Variants in SMOX observed in about 807,000 individuals in gnomAD.
The protein encoded by SMOX is flavin containing amine oxidase.
SMOX carries 22 observed loss-of-function variants against 51.0 expected under a neutral mutation model. The observed-to-expected ratio is 0.43, with a 90% CI of 0.31 to 0.62. The LOEUF (loss-of-function observed/expected upper bound fraction) is 0.62. Among genes scored for constraint, SMOX ranks in the 20% least tolerant of loss-of-function variants. The probability of loss-of-function intolerance (pLI) is 0.10; values close to 1 mark genes in which losing one functional copy is unlikely to be tolerated. For synonymous variants in SMOX, 282 were observed against 307.8 expected (o/e 0.92, Z 0.88); for missense variants, 566 against 777.7 (o/e 0.73, Z 3.24).
At chr20:4,154,973 A>G (rs1403403125) in intron 1 of SMOX, among the ~76,000 whole-genome samples, 2 of 152,068 alleles carry the variant, frequency 1.3e-5, no homozygotes, top group Non-Finnish European at 2.9e-5. Context: ...CTTGGGTCAT[A>G]GACCAGGAAC....
At position 4,166,822 on chromosome 20, in the gene SMOX, G is replaced by C. The variant is rs1462000908; in HGVS notation, c.-26-8208G>C. Among the ~76,000 whole-genome samples the C allele has an allele frequency of 1.3e-5, 2 of 152,188 alleles. No homozygotes were observed. Among genetic ancestry groups the C allele is most frequent in the Non-Finnish European group, 2.9e-5 (2 of 68,032 alleles). On this transcript the variant is annotated intron_variant, in intron 1 of 6. Coordinates refer to ENST00000305958, the MANE Select transcript of SMOX (RefSeq NM_175839.3). The surrounding 1 kb of genome is among the most constrained non-coding windows in gnomAD (Gnocchi z 4.2). ...CTGCTTCTCCTTGCAACACATGCCT[G>C]CCAAGGCCCCCTGGCTCCCTTCTTC...
rs1985875291 is a variant in SMOX, at chr20:4,153,795, C to A, written c.-27+4818C>A. On this transcript the variant is annotated intron_variant, in intron 1 of 6. Transcript: ENST00000305958. The surrounding 1 kb of genome is among the most constrained non-coding windows in gnomAD (Gnocchi z 4.4). ...GCATGGGGGAGGCCTGTCCACGGTG[C>A]CCAAGTCCTTGTCTGCTGAGTCGAA... is the stretch of plus-strand genomic sequence containing the variant. 6.6e-6 allele frequency among the ~76,000 whole-genome samples: 1 copy of A among 152,156 alleles called. No homozygotes were observed. Among genetic ancestry groups the A allele is most frequent in the Non-Finnish European group, 1.5e-5 (1 of 68,022 alleles).
At chr20:4,155,928 G>T (rs1016316273) in intron 1 of SMOX, among the ~76,000 whole-genome samples, 11 of 152,254 alleles carry the variant, frequency 7.2e-5, no homozygotes, top group Middle Eastern at 3.4e-3. Flanking sequence ...GAGCTCCCCA[G>T]ATATCCCACA....
rs773144230 is a variant in SMOX at position 4,187,600 on chromosome 20, C to T, written c.*193C>T. 1.7e-5 allele frequency: 12 copies of T among 717,944 alleles called. No homozygotes were observed. Among genetic ancestry groups the T allele is most frequent in the Admixed American group, 1.2e-4 (4 of 32,608 alleles). 44.5% of individuals were successfully genotyped at this position (717,944 alleles called of 1,614,324 possible). A position where few individuals can be genotyped will look rare whatever the true frequency, so the allele number is the denominator to read the frequency against. On this transcript the variant is annotated 3_prime_UTR_variant, in exon 7 of 7. Transcript: ENST00000305958. The surrounding 1 kb of genome is among the most constrained non-coding windows in gnomAD (Gnocchi z 4.8). ...CAGGCTGGGCCGTGAGCAGGTGGGCCGTTGAGTTACCTCTGTGCTGGATCC... is the reference window on the plus strand; with the variant it reads ...CAGGCTGGGCCGTGAGCAGGTGGGCTGTTGAGTTACCTCTGTGCTGGATCC...
chr20:4,187,352 G>C lies in SMOX; in HGVS notation c.1613G>C (p.Arg538Pro). ...CACGGTGCTCTGCTGTCCGGCCAGC[G>C]TGAGGCTGCCCGCCTCATTGAGATG... ...TTHGALLSGQREAARLIEMYR... is the reference protein window; with the variant it reads ...TTHGALLSGQPEAARLIEMYR... Residue 538 changes from arginine (R) to proline (P), a missense_variant, in exon 7 of 7, where the codon CGT becomes CCT. Arg to Pro is a moderately radical substitution (Grantham distance 103, BLOSUM62 -2). Transcript: ENST00000305958. This position sits in a 1 kb window ranked among gnomAD's most constrained non-coding sequence, Gnocchi z 4.8. The C allele has an allele frequency of 6.2e-7, 1 of 1,614,196 alleles. No individual in the cohort carries two copies. Among genetic ancestry groups the C allele is most frequent in the Non-Finnish European group, 8.5e-7 (1 of 1,180,034 alleles).
intron 6 of SMOX, among the ~76,000 whole-genome samples, chr20:4,186,471 C>T (rs112088879): frequency 1.6e-4 from 24 of 152,344 alleles, no homozygotes; most frequent in African/African-American, 5.1e-4. Flanking sequence ...AGGCCGAGCC[C>T]TGGCTGTACC....
intron 1 of SMOX, among the ~76,000 whole-genome samples, chr20:4,169,359 G>C (rs192049115): frequency 6.0e-4 from 91 of 152,252 alleles, no homozygotes; most frequent in African/African-American, 2.0e-3. Context: ...AAGGGTGTGG[G>C]GTACGGGAGG....
intron 1 of SMOX, among the ~76,000 whole-genome samples, chr20:4,161,114 C>T (rs1160993294): frequency 6.6e-6 from 1 of 152,200 alleles, no homozygotes; most frequent in Admixed American, 6.5e-5. Context: ...TGTGAGGCTG[C>T]GGCTCCTGGC....
intron 2 of SMOX, among the ~76,000 whole-genome samples, 193 bp downstream of exon 2, chr20:4,175,456 C>T (rs1978764059): frequency 1.3e-5 from 2 of 152,218 alleles, no homozygotes; most frequent in Non-Finnish European, 2.9e-5. Flanking sequence ...AGGGCCCTGA[C>T]TTTCACTTGT....
intron 1 of SMOX, among the ~76,000 whole-genome samples, chr20:4,162,579 G>A (rs1029683838): frequency 2.6e-5 from 4 of 152,194 alleles, no homozygotes; most frequent in African/African-American, 9.7e-5. Flanking sequence ...TTCACTGGCT[G>A]TGAGCCTCAG....
rs1978479114 is a variant in SMOX, at chr20:4,172,510, CT to C, written c.-26-2519del. On this transcript the variant is annotated intron_variant, in intron 1 of 6. Transcript: ENST00000305958. This position sits in a 1 kb window ranked among gnomAD's most constrained non-coding sequence, Gnocchi z 7.7. ...TGTCCTCTCGGGAGGGAGGCAGGAC[CT>C]AGCATCTCTGGGGCGAGGGAGGAGA... 2.0e-5 allele frequency among the ~76,000 whole-genome samples: 3 copies of C among 152,180 alleles called. No individual in the cohort carries two copies. The South Asian group carries it at 6.2e-4, about 32-fold the overall frequency.
At chr20:4,158,995 ACT>A (rs904587881) in intron 1 of SMOX, among the ~76,000 whole-genome samples, 2 of 143,800 alleles carry the variant, frequency 1.4e-5, no homozygotes, top group African/African-American at 5.3e-5. Context: ...GGGACCTTTT[ACT>A]CTCTCTTATT....
chr20:4,183,741 G>A lies in SMOX; in HGVS notation c.1530+87G>A. On this transcript the variant is annotated intron_variant, in intron 6 of 6. Transcript: ENST00000305958. The surrounding 1 kb of genome is among the most constrained non-coding windows in gnomAD (Gnocchi z 4.3). ...CCAGGGTGAGGAGGGCTAGGGTAGTGTTCACTAAGGGGTGCTCAGGTGAGG... is the reference window on the plus strand; with the variant it reads ...CCAGGGTGAGGAGGGCTAGGGTAGTATTCACTAAGGGGTGCTCAGGTGAGG... The A allele has an allele frequency of 1.4e-6, 2 of 1,441,556 alleles. No individual in the cohort carries two copies. Among genetic ancestry groups the A allele is most frequent in the African/African-American group, 1.4e-5 (1 of 69,892 alleles). The allele number at this position is 1,441,556 out of a possible 1,614,324, so 89.3% of individuals were successfully genotyped here. A position where few individuals can be genotyped will look rare whatever the true frequency, so the allele number is the denominator to read the frequency against.
chr20:4,186,810 A>T (rs1568750640), intron 6 of SMOX: 1 of 781,038 alleles, frequency 1.3e-6, no homozygotes, highest in Non-Finnish European at 2.4e-6. Flanking sequence ...CAGCCCCTGG[A>T]TGCTAACAGG....
chr20:4,182,890 C>T lies in SMOX; in HGVS notation c.1369+42C>T, dbSNP rs1303818865. The T allele has an allele frequency of 1.9e-6, 3 of 1,568,720 alleles. No individual in the cohort carries two copies. Among genetic ancestry groups the T allele is most frequent in the Admixed American group, 1.7e-5 (1 of 58,110 alleles). ...ACGACCCGCTTCCCCCACCCTGCTT[C>T]TTCCTCACCTGCCCTCCTCTGGTGG... On this transcript the variant is annotated intron_variant, in intron 5 of 6. Coordinates refer to ENST00000305958, the MANE Select transcript of SMOX (RefSeq NM_175839.3). This position sits in a 1 kb window ranked among gnomAD's most constrained non-coding sequence, Gnocchi z 8.4.
chr20:4,156,965 A>G (rs1986047600), intron 1 of SMOX, among the ~76,000 whole-genome samples: 1 of 151,956 alleles, frequency 6.6e-6, no homozygotes, highest in Admixed American at 6.5e-5. Context: ...CTGGTCTGGA[A>G]CTCCTGGCCT....
At position 4,182,442 on chromosome 20, in the gene SMOX, G is replaced by A. The variant is rs1021531352; in HGVS notation, c.963G>A (p.Glu321=). Residue 321 remains glutamate, a synonymous_variant, in exon 5 of 7, where the codon GAG becomes GAA. Coordinates refer to ENST00000305958, the MANE Select transcript of SMOX (RefSeq NM_175839.3). This position sits in a 1 kb window ranked among gnomAD's most constrained non-coding sequence, Gnocchi z 8.4. ...WSVVVECEDC[E]LIPADHVIVT... is the part of the protein sequence containing the mutation. ...TGGTGGTGGAGTGCGAGGACTGTGA[G>A]CTGATCCCGGCGGACCATGTGATTG... The A allele has an allele frequency of 6.2e-7, 1 of 1,601,206 alleles. No homozygotes were observed. The highest frequency in any genetic ancestry group is 1.3e-5 in the African/African-American group (1 of 74,856).
In SMOX at chr20:4,182,870, C is replaced by G; in HGVS notation, c.1369+22C>G. The G allele has an allele frequency of 2.5e-6, 4 of 1,587,640 alleles. No individual in the cohort carries two copies. The highest frequency in any genetic ancestry group is 3.4e-6 in the Non-Finnish European group (4 of 1,171,784). On this transcript the variant is annotated intron_variant, in intron 5 of 6. Transcript: ENST00000305958. The surrounding 1 kb of genome is among the most constrained non-coding windows in gnomAD (Gnocchi z 8.4). ...ACAGGTGCGCCACGTGCCCCACGAC[C>G]CGCTTCCCCCACCCTGCTTCTTCCT...
In SMOX at chr20:4,187,242, C is replaced by A; in HGVS notation, c.1531-28C>A. ...CCTTCTGGCCTTTGCTGCTCCTCCA[C>A]CCTGACCTCCCCATCCCCGCCCCGC... On this transcript the variant is annotated intron_variant, in intron 6 of 6. Transcript: ENST00000305958. The surrounding 1 kb of genome is among the most constrained non-coding windows in gnomAD (Gnocchi z 4.8). The A allele has an allele frequency of 6.2e-7, 1 of 1,601,822 alleles. No individual in the cohort carries two copies. The highest frequency in any genetic ancestry group is 1.1e-5 in the South Asian group (1 of 89,134).
Sources: gnomAD v4.1 joint callset for allele counts (sites outside exome capture counted in the v4.1 genomes callset) on GRCh38, gnomAD v4.1.1 for gene constraint, Gnocchi (gnomAD v3.1) non-coding constraint, MANE v1.5 for transcripts, NCBI Gene and HGNC (gene_info 2026-07-23, HGNC 2026-07-21) for gene names.